The following ABR variants were observed in gnomAD, a reference collection of about 807,000 sequenced individuals.
The protein encoded by ABR is active breakpoint cluster region-related protein.
A neutral mutation model predicts 107.2 loss-of-function variants in ABR; 35 were observed. That is an observed-to-expected ratio of 0.33 (90% CI 0.25 to 0.43). The LOEUF is 0.43. ABR is among the 20% of genes least tolerant of loss of function. The pLI is 1.00. For synonymous variants in ABR, 498 were observed against 462.0 expected, an observed-to-expected ratio of 1.08 and a Z score of -1.00; for missense variants, 815 against 1,115.2, an observed-to-expected ratio of 0.73 and a Z score of 3.83.
upstream of ABR, among the ~76,000 whole-genome samples, chr17:1,183,224 AC>A (rs2042189331): frequency 6.6e-6 from 1 of 151,836 alleles, no homozygotes; most frequent in Non-Finnish European, 1.5e-5. Flanking sequence ...AAGGCACTGA[AC>A]CCCCATCTAT....
intron 16 of ABR, among the ~76,000 whole-genome samples, chr17:1,041,588 C>G (rs867841899): frequency 6.6e-6 from 1 of 152,258 alleles, no homozygotes; most frequent in East Asian, 1.9e-4. Flanking sequence ...CGAAAATTAG[C>G]TGGGCATGGT....
chr17:1,118,059 TCC>T (rs2151426362), intron 2 of ABR, among the ~76,000 whole-genome samples: 1 of 42,610 alleles, frequency 2.3e-5, no homozygotes, highest in East Asian at 5.1e-4. Context: ...CCCAGCGTTA[TCC>T]CTGAGCCTGA....
At chr17:1,125,600 T>C in intron 1 of ABR, 1 of 372,290 alleles carries the variant, frequency 2.7e-6, no homozygotes, top group Non-Finnish European at 4.7e-6. Flanking sequence ...GAGGAGCGGC[T>C]CTGCTGTTGC....
intron 2 of ABR, chr17:1,108,830 C>T (rs1184338839): frequency 1.7e-6 from 2 of 1,210,902 alleles, no homozygotes; most frequent in Non-Finnish European, 2.2e-6. Context: ...CCGAGGGCTT[C>T]CACCCGGCCG....
At chr17:1,079,027 G>C in intron 6 of ABR, 1 of 1,443,972 alleles carries the variant, frequency 6.9e-7, no homozygotes, top group Non-Finnish European at 9.1e-7. Context: ...AGGGAGGCGC[G>C]TGGCGAGGAG....
intron 1 of ABR, among the ~76,000 whole-genome samples, chr17:1,169,149 C>T (rs1250606241): frequency 1.3e-5 from 2 of 152,198 alleles, no homozygotes; most frequent in African/African-American, 2.4e-5. Context: ...GACAGAGGCA[C>T]TCACAAAGCC....
intron 1 of ABR, among the ~76,000 whole-genome samples, chr17:1,164,627 A>G (rs1341096230): frequency 6.6e-6 from 1 of 152,218 alleles, no homozygotes; most frequent in Non-Finnish European, 1.5e-5. Flanking sequence ...GCAACAGACT[A>G]GCTTTCAGTC....
intron 1 of ABR, among the ~76,000 whole-genome samples, chr17:1,160,669 C>T (rs2041252534): frequency 2.0e-5 from 3 of 152,328 alleles, no homozygotes; most frequent in East Asian, 1.9e-4. Flanking sequence ...ACGCCGAGCG[C>T]GTACGAGGCT....
intron 2 of ABR, chr17:1,108,826 G>A: frequency 1.9e-6 from 2 of 1,050,546 alleles, no homozygotes; most frequent in Middle Eastern, 3.4e-4. Context: ...TCCGCCGAGG[G>A]CTTCCACCCG....
intron 1 of ABR, among the ~76,000 whole-genome samples, chr17:1,199,718 G>T (rs1952353866): frequency 6.6e-6 from 1 of 152,106 alleles, no homozygotes; most frequent in South Asian, 2.1e-4. Flanking sequence ...TGCCCAAAGT[G>T]GTGGGATTAC....
chr17:1,085,486 C>G (rs1048745791), intron 4 of ABR, among the ~76,000 whole-genome samples: 4 of 152,150 alleles, frequency 2.6e-5, no homozygotes, highest in African/African-American at 9.7e-5. Context: ...TTGTTAATAA[C>G]TAATAAAGCT....
intron 18 of ABR, 103 bp from the exon 19 acceptor site, chr17:1,012,088 G>GGGATGGAGAGC (rs1160971510): frequency 6.4e-7 from 1 of 1,572,128 alleles, no homozygotes; most frequent in Non-Finnish European, 8.7e-7. Flanking sequence ...TCTAGCATTT[G>GGGATGGAGAGC]GGATGGAGAG....
chr17:1,057,205 C>A, intron 12 of ABR, 103 bp from the exon 13 acceptor site: 2 of 737,856 alleles, frequency 2.7e-6, no homozygotes, highest in Non-Finnish European at 2.4e-6. Flanking sequence ...ATCCCTGGGG[C>A]AGACTTGGTC....
intron 3 of ABR, among the ~76,000 whole-genome samples, chr17:1,098,860 A>T (rs2037671506): frequency 2.6e-5 from 4 of 152,180 alleles, no homozygotes; most frequent in African/African-American, 9.7e-5. Context: ...AACTCGGCTC[A>T]CTGCAACCTC....
At chr17:1,119,434 C>T (rs868633422) in intron 2 of ABR, among the ~76,000 whole-genome samples, 5 of 99,100 alleles carry the variant, frequency 5.0e-5, no homozygotes, top group South Asian at 3.7e-4. Context: ...GCCTGAGTTC[C>T]TCCCAGCGTT....
chr17:1,087,454 G>A (rs994885363), intron 4 of ABR, among the ~76,000 whole-genome samples: 22 of 152,190 alleles, frequency 1.4e-4, no homozygotes, highest in African/African-American at 5.3e-4. Context: ...GAGTGGGGAC[G>A]CCCGGCGTGA....
intron 2 of ABR, among the ~76,000 whole-genome samples, chr17:1,113,277 G>GGTTTTTTTTTTTTTTTTTTTTTTTTTTT (rs1416563541): frequency 1.1e-5 from 1 of 88,172 alleles, no homozygotes. Context: ...CACCTATTGC[G>GGTTTTTTTTTTTTTTTTTTTTTTTTTTT]ATTTTTTTTT....
chr17:1,012,029 A>G (rs1485332749), intron 18 of ABR, 44 bp from the exon 19 acceptor site: 2 of 1,607,646 alleles, frequency 1.2e-6, no homozygotes, highest in Non-Finnish European at 8.5e-7. Flanking sequence ...CCCCCACGAC[A>G]GCTCTCCCGT....
chr17:1,187,516 G>T (rs771175441), upstream of ABR, among the ~76,000 whole-genome samples: 1 of 152,222 alleles, frequency 6.6e-6, no homozygotes, highest in Non-Finnish European at 1.5e-5. Context: ...GAGGAGCTCC[G>T]TCTGGGAAGG....
Sources: gnomAD v4.1 joint callset for allele counts (sites outside exome capture counted in the v4.1 genomes callset) on GRCh38, gnomAD v4.1.1 for gene constraint, MANE v1.5 for transcripts, NCBI Gene and HGNC (gene_info 2026-07-23, HGNC 2026-07-21) for gene names.